Variants in UQCR11 observed in about 807,000 individuals in gnomAD.
UQCR11 encodes the protein cytochrome b-c1 complex subunit 10.
UQCR11 carries 10 observed loss-of-function variants against 7.6 expected under a neutral mutation model. That is an observed-to-expected ratio of 1.31 (90% confidence interval 0.81 to 2.22). The LOEUF (loss-of-function observed/expected upper bound fraction) is 2.22. UQCR11 is among the 30% of genes most tolerant of loss of function. The pLI is 0.00. For synonymous variants in UQCR11, 34 were observed against 34.9 expected (o/e 0.97, Z 0.09); for missense variants, 86 against 75.1 (o/e 1.15, Z -0.54).
At chr19:1,603,183 G>A (rs1177813994) in intron 1 of UQCR11, among the ~76,000 whole-genome samples, 2 of 152,148 alleles carry the variant, frequency 1.3e-5, no homozygotes, top group Non-Finnish European at 2.9e-5. Context: ...TTCCTCTCCC[G>A]CTTCGTTATT....
In UQCR11 at chr19:1,605,252, GGGCCCGGCCC is replaced by G. The variant is rs542015483; in HGVS notation, c.50+98_50+107del. 3.6e-5 allele frequency: 47 copies of G among 1,319,154 alleles called. No homozygotes were observed. The African/African-American group carries it at 5.8e-4, about 16-fold the overall frequency. 81.7% of individuals were successfully genotyped at this position (1,319,154 alleles called of 1,614,324 possible). ...TGTCACCGGGAACAACAAGGGACCT[GGGCCCGGCCC>G]GGCCCGGCCCCCGGAAACGCGCACA... On this transcript the variant is annotated intron_variant, in intron 1 of 2. Coordinates refer to ENST00000591899, the MANE Select transcript of UQCR11 (RefSeq NM_006830.4).
At chr19:1,599,797 G>C (rs997658476) in intron 1 of UQCR11, among the ~76,000 whole-genome samples, 3 of 152,352 alleles carry the variant, frequency 2.0e-5, no homozygotes, top group Admixed American at 6.5e-5. Context: ...AGTGGAGCTG[G>C]GGGGAGGCTG....
At chr19:1,600,173 T>C (rs1251540161) in intron 1 of UQCR11, among the ~76,000 whole-genome samples, 2 of 151,796 alleles carry the variant, frequency 1.3e-5, no homozygotes, top group African/African-American at 4.8e-5. Context: ...TGCTGGCGTT[T>C]ACGCCCTCGC....
chr19:1,603,329 G>A (rs578007465), intron 1 of UQCR11, among the ~76,000 whole-genome samples: 1 of 152,320 alleles, frequency 6.6e-6, no homozygotes, highest in East Asian at 1.9e-4. Flanking sequence ...TGGGCTGGGC[G>A]CAGTGGCTCA....
At chr19:1,599,260 G>A (rs1486802764) in intron 2 of UQCR11, 152 bp downstream of exon 2, 3 of 1,048,008 alleles carry the variant, frequency 2.9e-6, no homozygotes, top group Non-Finnish European at 4.1e-6. Context: ...GGAGATGCCA[G>A]AAGGGGCACC....
At chr19:1,603,216 G>T (rs953809755) in intron 1 of UQCR11, among the ~76,000 whole-genome samples, 1 of 152,142 alleles carries the variant, frequency 6.6e-6, no homozygotes, top group Non-Finnish European at 1.5e-5. Flanking sequence ...CACACCACAG[G>T]TCTCGTTTCT....
intron 1 of UQCR11, 36 bp downstream of exon 1, chr19:1,605,324 G>A: frequency 6.4e-7 from 1 of 1,553,650 alleles, no homozygotes; most frequent in Non-Finnish European, 8.7e-7. Flanking sequence ...GGGCCGAGGC[G>A]GGAGCGCGGA....
intron 1 of UQCR11, 54 bp downstream of exon 1, chr19:1,605,306 G>A: frequency 6.6e-7 from 1 of 1,518,786 alleles, no homozygotes; most frequent in South Asian, 1.2e-5. Flanking sequence ...ACGCAGCGGC[G>A]CGGGGCTGGG....
intron 1 of UQCR11, 103 bp downstream of exon 1, chr19:1,605,257 C>G: frequency 7.6e-7 from 1 of 1,324,482 alleles, no homozygotes. Flanking sequence ...GACCTGGGCC[C>G]GGCCCGGCCC....
At chr19:1,602,246 T>C (rs2060749486) in intron 1 of UQCR11, 2 of 152,104 alleles carry the variant, frequency 1.3e-5, no homozygotes, top group Admixed American at 1.3e-4. Context: ...GTGCTCCTCC[T>C]GGAGGCGGAT....
At chr19:1,603,610 A>G (rs748075045) in intron 1 of UQCR11, among the ~76,000 whole-genome samples, 28 of 152,316 alleles carry the variant, frequency 1.8e-4, no homozygotes, top group South Asian at 4.1e-4. Flanking sequence ...CCGTCTCTAA[A>G]TAAATAAATG....
chr19:1,604,204 CAA>C (rs967296179), intron 1 of UQCR11, among the ~76,000 whole-genome samples: 20 of 152,318 alleles, frequency 1.3e-4, no homozygotes, highest in African/African-American at 3.8e-4. Context: ...CTTGGCCTCC[CAA>C]AGTGTTGGGA....
At chr19:1,599,195 C>T (rs1043026974) in intron 2 of UQCR11, 6 of 541,538 alleles carry the variant, frequency 1.1e-5, no homozygotes, top group African/African-American at 3.8e-5. Context: ...GCGAGGCCCA[C>T]ACCCCAATCA....
intron 1 of UQCR11, among the ~76,000 whole-genome samples, chr19:1,602,594 G>A (rs2060750541): frequency 6.6e-6 from 1 of 152,076 alleles, no homozygotes; most frequent in African/African-American, 2.4e-5. Context: ...TGGGATTACA[G>A]GTGTCCACTA....
chr19:1,599,200 C>G, intron 2 of UQCR11: 1 of 552,064 alleles, frequency 1.8e-6, no homozygotes, highest in South Asian at 2.1e-5. Flanking sequence ...GCCCACACCC[C>G]AATCACACAA....
chr19:1,605,272 C>T, intron 1 of UQCR11, 88 bp downstream of exon 1: 2 of 1,427,882 alleles, frequency 1.4e-6, no homozygotes, highest in Admixed American at 3.0e-5. Flanking sequence ...CGGCCCGGCC[C>T]CCGGAAACGC....
At chr19:1,601,529 AG>A (rs1281795723) in intron 1 of UQCR11, among the ~76,000 whole-genome samples, 1 of 146,332 alleles carries the variant, frequency 6.8e-6, no homozygotes, top group Non-Finnish European at 1.5e-5. Context: ...TGAACCCGGG[AG>A]GCGGAGCTTG....
intron 2 of UQCR11, 103 bp downstream of exon 2, chr19:1,599,309 G>A: frequency 6.9e-7 from 1 of 1,458,276 alleles, no homozygotes; most frequent in Non-Finnish European, 9.3e-7. Flanking sequence ...TCCAGGGGGA[G>A]CAGTGAGGGC....
intron 1 of UQCR11, among the ~76,000 whole-genome samples, chr19:1,604,083 T>G (rs1485384696): frequency 6.6e-6 from 1 of 151,972 alleles, no homozygotes; most frequent in Non-Finnish European, 1.5e-5. Context: ...GTAGCTGGGA[T>G]TACAGGCACG....
Sources: gnomAD v4.1 joint callset for allele counts (sites outside exome capture counted in the v4.1 genomes callset) on GRCh38, gnomAD v4.1.1 for gene constraint, MANE v1.5 for transcripts, NCBI Gene and HGNC (gene_info 2026-07-23, HGNC 2026-07-21) for gene names.